SGCG: variants seen among roughly 807,000 people sequenced by gnomAD.
The protein encoded by SGCG is gamma-sarcoglycan.
SGCG carries 26 observed loss-of-function variants against 29.3 expected under a neutral mutation model. The observed-to-expected ratio is 0.89, with a 90% CI of 0.65 to 1.23. The LOEUF (loss-of-function observed/expected upper bound fraction) is 1.23. Ranked by LOEUF, SGCG falls within the 50% of genes most tolerant of loss-of-function variation. SGCG has a pLI of 0.00. For missense variants in SGCG, 353 were observed against 356.0 expected, an observed-to-expected ratio of 0.99 and a Z score of 0.07; for synonymous variants, 145 against 129.7, an observed-to-expected ratio of 1.12 and a Z score of -0.80.
chr13:23,286,737 A>ATC (rs34185481), intron 5 of SGCG, among the ~76,000 whole-genome samples: 65,624 of 151,812 alleles, frequency 0.43, 14,988 homozygotes, highest in Middle Eastern at 0.65. Flanking sequence ...TGTGAATGTC[A>ATC]TCTCTCTCTC....
In SGCG at chr13:23,248,722, G is replaced by T. The variant is rs551324093; in HGVS notation, c.298-1908G>T. Among the ~76,000 whole-genome samples, 7 of 150,134 alleles carry T rather than the reference G, an allele frequency of 4.7e-5. No individual in the cohort carries two copies. The South Asian group carries it at 1.1e-3, about 23-fold the overall frequency. On this transcript the variant is annotated intron_variant, in intron 3 of 7. Transcript: ENST00000218867. ...AAGAAAAAAAAAAAGGCCGGGTTCG[G>T]TGGCTGATGCCTGTAATCCCAGCAC...
At position 23,299,448 on chromosome 13, in the gene SGCG, A is replaced by ATTTT. The variant is rs1452293006; in HGVS notation, c.578+3962_578+3963insTTTT. 2.0e-3 allele frequency among the ~76,000 whole-genome samples: 24 copies of ATTTT among 11,826 alleles called. 1 individual carries two copies. The highest frequency in any genetic ancestry group is 0.012 in the South Asian group (2 of 168). 7.8% of individuals were successfully genotyped at this position (11,826 alleles called of 152,430 possible). On this transcript the variant is annotated intron_variant, in intron 6 of 7. Coordinates refer to ENST00000218867, the MANE Select transcript of SGCG (RefSeq NM_000231.3). ...TATATATATATATATATATATATATATATATATATTTTTTTTTTTTTTTTA... is the reference window on the plus strand; with the variant it reads ...TATATATATATATATATATATATATATTTTTATATATATTTTTTTTTTTTTTTTA...
chr13:23,261,937 C>G (rs1880452743), intron 4 of SGCG, among the ~76,000 whole-genome samples: 1 of 152,044 alleles, frequency 6.6e-6, no homozygotes, highest in Admixed American at 6.6e-5. Flanking sequence ...AAAATAAAGT[C>G]TTTATCAGAC....
chr13:23,246,454 A>G (rs1879713134), intron 3 of SGCG: 1 of 152,186 alleles, frequency 6.6e-6, no homozygotes, highest in Non-Finnish European at 1.5e-5. Context: ...ATTCAGAAAA[A>G]TGTATAGCAA....
the SGCG span, among the ~76,000 whole-genome samples, chr13:23,161,955 A>T: frequency 6.6e-6 from 1 of 152,256 alleles, no homozygotes; most frequent in Non-Finnish European, 1.5e-5. Flanking sequence ...TACTCTGTCA[A>T]TCTTTCTTAA....
At chr13:23,237,974 T>C (rs9510646) in intron 3 of SGCG, among the ~76,000 whole-genome samples, 8,638 of 151,838 alleles carry the variant, frequency 0.057, 360 homozygotes, top group Non-Finnish European at 0.091. Context: ...GAAGAGAAAT[T>C]ACAGGGCAGA....
At chr13:23,203,667 C>T in intron 1 of SGCG, 28 bp from the exon 2 acceptor site, 1 of 1,574,024 alleles carries the variant, frequency 6.4e-7, no homozygotes, top group Non-Finnish European at 8.7e-7. Flanking sequence ...CTCTTTCTCT[C>T]TCCTCTCGTG....
chr13:23,324,004 C>T (rs1883141163), intron 7 of SGCG, among the ~76,000 whole-genome samples: 1 of 152,078 alleles, frequency 6.6e-6, no homozygotes, highest in African/African-American at 2.4e-5. Flanking sequence ...TTCTGAAAGG[C>T]GTTTTGAGAA....
the SGCG span, among the ~76,000 whole-genome samples, chr13:23,167,982 G>A: frequency 6.6e-6 from 1 of 152,050 alleles, no homozygotes. Flanking sequence ...GATGATCCGT[G>A]TGCCTCGATC....
chr13:23,324,339 C>T, intron 7 of SGCG, 29 bp from the exon 8 acceptor site: 1 of 1,612,760 alleles, frequency 6.2e-7, no homozygotes. Context: ...CCTTCCTTAA[C>T]TCTTCGTCTC....
rs1398574558 is a variant in SGCG at position 23,280,689 on chromosome 13, A to G, written c.505+1211A>G. ...ATTACTAGCTGCGTAATTTCAAGCA[A>G]GTTAATTTTTATTTTCTGTTTCCTA... On this transcript the variant is annotated intron_variant, in intron 5 of 7. Transcript: ENST00000218867. Among the ~76,000 whole-genome samples the G allele has an allele frequency of 2.0e-5, 3 of 152,336 alleles. No individual in the cohort carries two copies. The East Asian group carries it at 5.8e-4, about 29-fold the overall frequency.
intron 6 of SGCG, among the ~76,000 whole-genome samples, chr13:23,299,699 G>A (rs958335514): frequency 1.3e-4 from 19 of 151,524 alleles, no homozygotes; most frequent in African/African-American, 4.1e-4. Context: ...TGATCTGCCC[G>A]CCTCGGCCTC....
Position 23,234,640 on chromosome 13 carries a change from A to G in SGCG, c.225A>G (p.Lys75=). ...PAGMGHLCVT[K]DGLRLEGESE... is the part of the protein sequence containing the mutation. Reference sequence around the variant, plus strand: ...GAATGGGCCACTTGTGTGTAACAAAAGATGGACTGCGCTTGGAAGGGGAAT... The same window carrying G: ...GAATGGGCCACTTGTGTGTAACAAAGGATGGACTGCGCTTGGAAGGGGAAT... The change falls in exon 3 of 8, where the codon AAA becomes AAG. Residue 75 remains lysine (K), a synonymous_variant. Transcript: ENST00000218867. The G allele has an allele frequency of 6.2e-7, 1 of 1,613,192 alleles. No homozygotes were observed. Among genetic ancestry groups the G allele is most frequent in the Non-Finnish European group, 8.5e-7 (1 of 1,179,280 alleles).
At chr13:23,291,451 C>A (rs943946935) in intron 5 of SGCG, among the ~76,000 whole-genome samples, 3 of 152,088 alleles carry the variant, frequency 2.0e-5, no homozygotes, top group African/African-American at 7.2e-5. Context: ...GATCAACAAC[C>A]ATTTCCTGAG....
At chr13:23,318,534 T>A (rs1882916730) in intron 6 of SGCG, among the ~76,000 whole-genome samples, 1 of 151,596 alleles carries the variant, frequency 6.6e-6, no homozygotes, top group South Asian at 2.1e-4. Flanking sequence ...TTCAAAACTC[T>A]TTTACTTTTC....
In SGCG at chr13:23,279,470, G is replaced by A. The variant is rs776289036; in HGVS notation, c.497G>A (p.Arg166Gln). 1.1e-4 allele frequency: 181 copies of A among 1,612,636 alleles called. 1 individual carries two copies. The highest frequency in any genetic ancestry group is 9.6e-4 in the East Asian group (43 of 44,808). The change falls in exon 5 of 8, where the codon CGA (arginine) becomes CAA (glutamine). Residue 166 changes from arginine (R) to glutamine (Q), a missense_variant. Coordinates refer to ENST00000218867, the MANE Select transcript of SGCG (RefSeq NM_000231.3). ...KEVVVGTDKL[R>Q]VTGPEGALFE... ...GTTGTGGTTGGTACAGATAAACTTCGAGTAACTGGTATGTACTAACTCGAG... is the reference window on the plus strand; with the variant it reads ...GTTGTGGTTGGTACAGATAAACTTCAAGTAACTGGTATGTACTAACTCGAG...
intron 2 of SGCG, among the ~76,000 whole-genome samples, chr13:23,214,901 T>TGGA (rs1878368330): frequency 6.6e-6 from 1 of 152,172 alleles, no homozygotes; most frequent in Non-Finnish European, 1.5e-5. Flanking sequence ...GGACTGAGTT[T>TGGA]GGAGGAGGAA....
At chr13:23,228,565 A>G (rs1292966091) in intron 2 of SGCG, among the ~76,000 whole-genome samples, 1 of 152,144 alleles carries the variant, frequency 6.6e-6, no homozygotes, top group African/African-American at 2.4e-5. Context: ...TACTAAGCAC[A>G]GTACCTGATA....
At chr13:23,282,752 C>T (rs559451666) in intron 5 of SGCG, among the ~76,000 whole-genome samples, 3 of 152,224 alleles carry the variant, frequency 2.0e-5, no homozygotes, top group African/African-American at 7.2e-5. Context: ...TATGTCTTTG[C>T]TATTGAACCT....
Sources: allele counts gnomAD v4.1 joint callset (sites outside exome capture counted in the v4.1 genomes callset), GRCh38; gene constraint gnomAD v4.1.1; transcripts MANE v1.5; gene names NCBI Gene and HGNC (gene_info 2026-07-23, HGNC 2026-07-21).